Variants in GALNT8 observed in about 807,000 individuals in gnomAD.
GALNT8 encodes probable polypeptide N-acetylgalactosaminyltransferase 8.
GALNT8 carries 66 observed loss-of-function variants against 62.7 expected under a neutral mutation model. The ratio of observed to expected loss-of-function variants is 1.05; its 90% confidence interval spans 0.86 to 1.29. The LOEUF is 1.29. Ranked by LOEUF, GALNT8 falls within the 50% of genes most tolerant of loss-of-function variation. The probability of loss-of-function intolerance (pLI) is 0.00; values close to 1 mark genes in which losing one functional copy is unlikely to be tolerated. For synonymous variants in GALNT8, 288 were observed against 294.3 expected (o/e 0.98, Z 0.22); for missense variants, 771 against 791.8 (o/e 0.97, Z 0.32).
intron 6 of GALNT8, among the ~76,000 whole-genome samples, chr12:4,754,430 C>T (rs1421618413): frequency 1.3e-5 from 2 of 152,190 alleles, no homozygotes; most frequent in Non-Finnish European, 2.9e-5. Context: ...ACAAGACACA[C>T]TTCTTCCCAC....
chr12:4,724,892 C>T (rs1446385607), intron 1 of GALNT8, among the ~76,000 whole-genome samples: 2 of 152,214 alleles, frequency 1.3e-5, no homozygotes, highest in African/African-American at 2.4e-5. Context: ...AAATCCAGCA[C>T]ACACGTTCTG....
At chr12:4,746,005 T>C (rs1946297412) in intron 5 of GALNT8, 139 bp from the exon 6 acceptor site, 3 of 623,666 alleles carry the variant, frequency 4.8e-6, no homozygotes, top group Admixed American at 2.8e-5. Context: ...CACTTAGTCT[T>C]GCCTGAGAGT....
intron 2 of GALNT8, among the ~76,000 whole-genome samples, chr12:4,728,646 C>T (rs1946207039): frequency 6.6e-6 from 1 of 152,124 alleles, no homozygotes; most frequent in African/African-American, 2.4e-5. Flanking sequence ...TCCTGCCACC[C>T]TTATTGAAAT....
chr12:4,744,979 T>C (rs1384983583), intron 4 of GALNT8, among the ~76,000 whole-genome samples: 1 of 152,216 alleles, frequency 6.6e-6, no homozygotes, highest in Non-Finnish European at 1.5e-5. Context: ...TGTCTTTAAC[T>C]GTAAAGATGA....
chr12:4,762,191 A>G (rs768142676), intron 7 of GALNT8, among the ~76,000 whole-genome samples: 1 of 152,192 alleles, frequency 6.6e-6, no homozygotes, highest in Non-Finnish European at 1.5e-5. Flanking sequence ...TGATAGGAAA[A>G]CAAGTACCCT....
chr12:4,748,598 G>A (rs533463290), intron 6 of GALNT8, among the ~76,000 whole-genome samples: 5 of 151,734 alleles, frequency 3.3e-5, no homozygotes, highest in Middle Eastern at 6.9e-3. Flanking sequence ...TTTTATGCTC[G>A]TACCATGCTG....
intron 6 of GALNT8, among the ~76,000 whole-genome samples, chr12:4,748,457 G>T (rs981326953): frequency 6.6e-6 from 1 of 152,194 alleles, no homozygotes; most frequent in East Asian, 1.9e-4. Context: ...AGTTTTCCCA[G>T]CACCATTTAT....
chr12:4,738,952 A>G lies in GALNT8; in HGVS notation c.510-211A>G, dbSNP rs1232947578. On this transcript the variant is annotated intron_variant, in intron 2 of 10. Transcript: ENST00000252318. Reference sequence around the variant, plus strand: ...GAAACATCTAGCAAAGATTAATAAAAAAAGATTTTATCCCCATAACAGGAG... The same window carrying G: ...GAAACATCTAGCAAAGATTAATAAAGAAAGATTTTATCCCCATAACAGGAG... Among the ~76,000 whole-genome samples the G allele has an allele frequency of 2.0e-5, 3 of 152,236 alleles. No individual in the cohort carries two copies. In the East Asian group the frequency reaches 5.8e-4, roughly 29 times the overall value.
At chr12:4,743,405 G>C (rs938233046) in intron 3 of GALNT8, among the ~76,000 whole-genome samples, 2 of 152,224 alleles carry the variant, frequency 1.3e-5, no homozygotes, top group African/African-American at 4.8e-5. Flanking sequence ...ACTCTTGAGT[G>C]CAGCAGATCT....
chr12:4,761,669 A>G (rs918370872), intron 7 of GALNT8, among the ~76,000 whole-genome samples: 1 of 151,744 alleles, frequency 6.6e-6, no homozygotes, highest in African/African-American at 2.4e-5. Flanking sequence ...GCTGGTCTGG[A>G]ACTCCTGGCC....
chr12:4,754,839 C>T (rs368808405), intron 6 of GALNT8, among the ~76,000 whole-genome samples: 4 of 152,316 alleles, frequency 2.6e-5, no homozygotes, highest in African/African-American at 9.6e-5. Context: ...GGGTCCTTCC[C>T]TTCAAGGCAG....
intron 10 of GALNT8, among the ~76,000 whole-genome samples, chr12:4,771,796 T>A (rs1946425642): frequency 6.6e-6 from 1 of 151,688 alleles, no homozygotes; most frequent in African/African-American, 2.4e-5. Flanking sequence ...ATGGCAGGAG[T>A]GTCAGTTGCT....
chr12:4,738,780 G>A (rs997269895), intron 2 of GALNT8, among the ~76,000 whole-genome samples: 2 of 152,164 alleles, frequency 1.3e-5, no homozygotes, highest in African/African-American at 4.8e-5. Context: ...TGGTGGTGAA[G>A]TAGAGGGTGT....
chr12:4,750,389 T>G (rs939904647), intron 6 of GALNT8, among the ~76,000 whole-genome samples: 1 of 151,838 alleles, frequency 6.6e-6, no homozygotes, highest in Non-Finnish European at 1.5e-5. Flanking sequence ...GTTCCCCTCT[T>G]TGTGTTCATG....
Position 4,726,850 on chromosome 12 carries a change from G to A in GALNT8, c.509+21G>A, listed in dbSNP as rs773408708. 1.3e-6 allele frequency: 2 copies of A among 1,583,624 alleles called. No individual in the cohort carries two copies. Among genetic ancestry groups the A allele is most frequent in the South Asian group, 1.2e-5 (1 of 86,350 alleles). ...TACAGGTGGGATGAACCAGGCTTGG[G>A]CTTCTAGGGTCCTCAGTTTGATTTG... On this transcript the variant is annotated intron_variant, in intron 2 of 10. Transcript: ENST00000252318. This position sits in a 1 kb window ranked among gnomAD's most constrained non-coding sequence, Gnocchi z 4.1.
rs139213725 is a variant in GALNT8, at chr12:4,744,995, T to A, written c.860+295T>A. ...GTCTTTAACTGTAAAGATGAGGAGA[T>A]TAGCCTTTGGTTATTTTAAAGGTTT... is the stretch of plus-strand genomic sequence containing the variant. On this transcript the variant is annotated intron_variant, in intron 4 of 10. Transcript: ENST00000252318. 3.3e-5 allele frequency among the ~76,000 whole-genome samples: 5 copies of A among 152,272 alleles called. No individual in the cohort carries two copies. In the East Asian group the frequency reaches 9.6e-4, roughly 29 times the overall value.
intron 6 of GALNT8, among the ~76,000 whole-genome samples, chr12:4,750,358 C>CA (rs1463143537): frequency 6.6e-6 from 1 of 151,892 alleles, no homozygotes; most frequent in Non-Finnish European, 1.5e-5. Context: ...CTCCACCCTC[C>CA]AAAAGGCCTC....
intron 3 of GALNT8, among the ~76,000 whole-genome samples, chr12:4,740,895 C>T (rs563682574): frequency 2.0e-5 from 3 of 152,302 alleles, no homozygotes; most frequent in Admixed American, 6.5e-5. Flanking sequence ...GTCCAGAGCC[C>T]TGGTTCTAAC....
In GALNT8 at chr12:4,720,562, C is replaced by A. The variant is rs1288043168; in HGVS notation, c.-116C>A. ...GGGTGTCTCACACAGGGGAGACCAA[C>A]TCAACTGGCACCTAGAACTCTCTTT... On this transcript the variant is annotated 5_prime_UTR_variant, in exon 1 of 11. Transcript: ENST00000252318. 1 of 740,446 alleles carries A rather than the reference C, an allele frequency of 1.4e-6. No individual in the cohort carries two copies. Among genetic ancestry groups the A allele is most frequent in the African/African-American group, 1.7e-5 (1 of 57,524 alleles). The allele number at this position is 740,446 out of a possible 1,614,324, so 45.9% of individuals were successfully genotyped here. A position where few individuals can be genotyped will look rare whatever the true frequency, so the allele number is the denominator to read the frequency against.
Sources: gnomAD v4.1 joint callset for allele counts (sites outside exome capture counted in the v4.1 genomes callset) on GRCh38, gnomAD v4.1.1 for gene constraint, Gnocchi (gnomAD v3.1) non-coding constraint, MANE v1.5 for transcripts, NCBI Gene and HGNC (gene_info 2026-07-23, HGNC 2026-07-21) for gene names.